KDM5B: variants seen among roughly 807,000 people sequenced by gnomAD.
The protein encoded by KDM5B is lysine-specific demethylase 5B.
Under a neutral mutation model 193.4 loss-of-function variants are expected in KDM5B, and 144 were observed. That is an observed-to-expected ratio of 0.74 (90% CI 0.65 to 0.86). KDM5B has a LOEUF of 0.86. Ranked by LOEUF, KDM5B falls within the 40% of genes least tolerant of loss-of-function variation. The pLI is 0.00. For synonymous variants in KDM5B, 668 were observed against 682.6 expected (o/e 0.98, Z 0.33); for missense variants, 1,833 against 1,886.9 (o/e 0.97, Z 0.53).
At chr1:202,795,196 G>C (rs992478817) in intron 1 of KDM5B, among the ~76,000 whole-genome samples, 1 of 152,040 alleles carries the variant, frequency 6.6e-6, no homozygotes, top group African/African-American at 2.4e-5. Context: ...CTGGGGGACA[G>C]AGTAAGTCTC....
intron 7 of KDM5B, among the ~76,000 whole-genome samples, chr1:202,762,472 G>A (rs1298509869): frequency 4.6e-5 from 7 of 152,192 alleles, no homozygotes; most frequent in East Asian, 1.9e-4. Context: ...CGCAGTCAAT[G>A]CCGCCCCGGA....
chr1:202,776,116 G>C (rs182612429), intron 2 of KDM5B: 1 of 150,950 alleles, frequency 6.6e-6, no homozygotes, highest in Admixed American at 6.6e-5. Flanking sequence ...TGTAATCCCA[G>C]CTACTTGGGA....
In KDM5B at chr1:202,767,071, C is replaced by A; in HGVS notation, c.577-11G>T. ...TGGCTTCTGCAAACACTAGAAATAA[C>A]AACTGTACTGATAAATTCCCTCCTT... On this transcript the variant is annotated splice_polypyrimidine_tract_variant and intron_variant, in intron 4 of 26. Coordinates refer to ENST00000367265, the MANE Select transcript of KDM5B (RefSeq NM_006618.5). The A allele has an allele frequency of 6.2e-7, 1 of 1,608,888 alleles. No homozygotes were observed. Among genetic ancestry groups the A allele is most frequent in the Non-Finnish European group, 8.5e-7 (1 of 1,178,888 alleles).
chr1:202,779,784 CAG>C (rs1300340004), intron 1 of KDM5B, among the ~76,000 whole-genome samples: 2 of 149,926 alleles, frequency 1.3e-5, no homozygotes, highest in East Asian at 3.9e-4. Flanking sequence ...GCCTGGGCGA[CAG>C]AGTCAGACTC....
At chr1:202,800,054 T>C (rs1204261704) in intron 1 of KDM5B, among the ~76,000 whole-genome samples, 1 of 152,244 alleles carries the variant, frequency 6.6e-6, no homozygotes, top group Non-Finnish European at 1.5e-5. Flanking sequence ...TGTTTTGTTT[T>C]TGTTTTTTGA....
intron 4 of KDM5B, among the ~76,000 whole-genome samples, chr1:202,768,916 CAT>C (rs1656588702): frequency 6.6e-6 from 1 of 151,622 alleles, no homozygotes; most frequent in African/African-American, 2.4e-5. Context: ...GGGGTTTCTC[CAT>C]GTTGAGGCTG....
intron 4 of KDM5B, among the ~76,000 whole-genome samples, chr1:202,769,146 C>T (rs1401756194): frequency 1.3e-5 from 2 of 150,630 alleles, no homozygotes; most frequent in African/African-American, 4.9e-5. Flanking sequence ...ACGCCATTCT[C>T]CTACCTCAGC....
At position 202,729,191 on chromosome 1, in the gene KDM5B, G is replaced by A; in HGVS notation, c.4498-18C>T. ...CAGTCCACCTGGTTACAAAGAGCAGGAAGATGGGGTTTTCAGAGGAAAAAA... is the reference window on the plus strand; with the variant it reads ...CAGTCCACCTGGTTACAAAGAGCAGAAAGATGGGGTTTTCAGAGGAAAAAA... On this transcript the variant is annotated intron_variant, in intron 26 of 26. Coordinates refer to ENST00000367265, the MANE Select transcript of KDM5B (RefSeq NM_006618.5). The A allele has an allele frequency of 1.2e-6, 2 of 1,613,860 alleles. No individual in the cohort carries two copies. The highest frequency in any genetic ancestry group is 1.7e-6 in the Non-Finnish European group (2 of 1,179,898).
intron 8 of KDM5B, among the ~76,000 whole-genome samples, chr1:202,759,256 A>G (rs1191648834): frequency 2.0e-5 from 3 of 152,192 alleles, no homozygotes; most frequent in African/African-American, 7.2e-5. Context: ...AATAATCCTA[A>G]TGGCTGGGTG....
chr1:202,731,776 T>C (rs112781669), intron 24 of KDM5B, 52 bp downstream of exon 24: 191 of 1,259,436 alleles, frequency 1.5e-4, no homozygotes, highest in Non-Finnish European at 2.1e-4. Context: ...AACCTAGTAA[T>C]ACAAGATCAC....
At chr1:202,734,418 A>G (rs907642233) in intron 22 of KDM5B, among the ~76,000 whole-genome samples, 1 of 151,984 alleles carries the variant, frequency 6.6e-6, no homozygotes, top group African/African-American at 2.4e-5. Context: ...GGGTTATATG[A>G]TAACAAGGTA....
At chr1:202,762,670 G>C (rs1558498869) in intron 7 of KDM5B, 29 bp downstream of exon 7, 1 of 1,265,788 alleles carries the variant, frequency 7.9e-7, no homozygotes, top group African/African-American at 1.5e-5. Flanking sequence ...AAACAGGAAA[G>C]AAAAAGGAGA....
Position 202,746,205 on chromosome 1 carries a change from A to G in KDM5B, c.2135T>C (p.Leu712Pro), listed in dbSNP as rs753776740. The stretch of plus-strand genomic sequence containing the variant: ...TTTTACATGATGCAGGCAAACAAGA[A>G]GGCCAGGTTTACAAGAACAGGAGAT... ...SAISCSCKPG[L>P]LVCLHHVKEL... Residue 712 changes from leucine (L) to proline (P), a missense_variant, in exon 15 of 27, where the codon CTT becomes CCT. Physicochemically the swap from Leu to Pro is moderately conservative, Grantham distance 98. This residue lies in a region of KDM5B where 1,379 missense variants were observed against 1,349.6 expected (regional missense o/e 1.02). Transcript: ENST00000367265. The G allele has an allele frequency of 2.3e-5, 37 of 1,613,786 alleles. No homozygotes were observed. The Admixed American group carries it at 6.2e-4, about 27-fold the overall frequency.
chr1:202,767,534 G>A (rs2102284895), intron 4 of KDM5B: 2 of 629,326 alleles, frequency 3.2e-6, no homozygotes, highest in Non-Finnish European at 5.7e-6. Flanking sequence ...GGACTGAAAG[G>A]ATTCCCTCCT....
intron 13 of KDM5B, 62 bp from the exon 14 acceptor site, chr1:202,749,201 T>C: frequency 1.4e-6 from 2 of 1,397,790 alleles, no homozygotes; most frequent in Non-Finnish European, 2.0e-6. Context: ...CAAACACCTC[T>C]GACCCATTAT....
intron 5 of KDM5B, among the ~76,000 whole-genome samples, chr1:202,764,376 C>T (rs1052744720): frequency 1.3e-5 from 2 of 152,148 alleles, no homozygotes; most frequent in African/African-American, 4.8e-5. Flanking sequence ...GTGGTTCACA[C>T]CTGTAATCGC....
intron 1 of KDM5B, among the ~76,000 whole-genome samples, chr1:202,802,442 G>A (rs752337170): frequency 2.6e-5 from 4 of 152,110 alleles, no homozygotes; most frequent in Non-Finnish European, 5.9e-5. Context: ...GCCCAGGCTA[G>A]AGTGCAATGG....
intron 24 of KDM5B, 80 bp downstream of exon 24, chr1:202,731,748 T>C (rs1197923517): frequency 1.9e-6 from 2 of 1,063,648 alleles, no homozygotes; most frequent in East Asian, 2.4e-5. Context: ...TTTATGGTAC[T>C]TGATCATCTA....
At chr1:202,781,227 G>T (rs1657186010) in intron 1 of KDM5B, among the ~76,000 whole-genome samples, 1 of 152,112 alleles carries the variant, frequency 6.6e-6, no homozygotes, top group Non-Finnish European at 1.5e-5. Context: ...TAAGCCCAGG[G>T]GGCTTAAGTT....
Sources: gnomAD v4.1 joint callset for allele counts (sites outside exome capture counted in the v4.1 genomes callset) on GRCh38, gnomAD v4.1.1 for gene constraint, gnomAD v4.1.1 regional missense constraint, MANE v1.5 for transcripts, NCBI Gene and HGNC (gene_info 2026-07-23, HGNC 2026-07-21) for gene names.